Variants in CCDC141 observed in about 807,000 individuals in gnomAD.
CCDC141 encodes the protein coiled-coil domain-containing protein 141.
CCDC141 carries 168 observed loss-of-function variants against 181.0 expected under a neutral mutation model. The ratio of observed to expected loss-of-function variants is 0.93; its 90% confidence interval spans 0.82 to 1.05. The LOEUF (loss-of-function observed/expected upper bound fraction) is 1.05, where lower values mean the gene tolerates loss of function less well. Among genes scored for constraint, CCDC141 ranks in the 50% least tolerant of loss-of-function variants. CCDC141 has a pLI of 0.00. For synonymous variants in CCDC141, 666 were observed against 642.3 expected (o/e 1.04, Z -0.56); for missense variants, 1,902 against 1,788.5 (o/e 1.06, Z -1.14).
intron 3 of CCDC141, 25 bp downstream of exon 3, chr2:178,978,459 G>A (rs941879299): frequency 3.7e-6 from 5 of 1,369,020 alleles, no homozygotes; most frequent in Admixed American, 3.3e-5. Flanking sequence ...ATGTGGGGAA[G>A]GGAGAAGTTT....
At chr2:178,907,578 G>T (rs112071927) in intron 7 of CCDC141, among the ~76,000 whole-genome samples, 2 of 152,164 alleles carry the variant, frequency 1.3e-5, no homozygotes. Flanking sequence ...TTATACTATA[G>T]GACTGTAAAA....
intron 8 of CCDC141, among the ~76,000 whole-genome samples, chr2:178,904,686 G>C (rs567092731): frequency 1.3e-5 from 2 of 152,054 alleles, no homozygotes; most frequent in African/African-American, 2.4e-5. Context: ...TTGTCTTTCT[G>C]TTCTTTCCTA....
At chr2:178,988,849 A>G (rs991339361) in intron 2 of CCDC141, among the ~76,000 whole-genome samples, 8 of 152,304 alleles carry the variant, frequency 5.3e-5, no homozygotes, top group African/African-American at 1.7e-4. Context: ...AAATGTACCT[A>G]TATGTCTATG....
chr2:178,824,682 A>ACTGTGCT, the CCDC141 span, among the ~76,000 whole-genome samples: 5 of 150,410 alleles, frequency 3.3e-5, no homozygotes, highest in African/African-American at 1.2e-4. Context: ...TGTACCTTAG[A>ACTGTGCT]CTGTGCTCCT....
At chr2:179,049,766 G>T in intron 1 of CCDC141, 74 bp downstream of exon 1, 1 of 1,489,870 alleles carries the variant, frequency 6.7e-7, no homozygotes, top group Admixed American at 2.0e-5. Context: ...CGATTGCATG[G>T]AATGTTCTTT....
chr2:178,826,176 A>G (rs1204472444), downstream of CCDC141, among the ~76,000 whole-genome samples: 1 of 152,152 alleles, frequency 6.6e-6, no homozygotes, highest in East Asian at 1.9e-4. Context: ...TTTCTGCATC[A>G]ATTGACATAA....
Position 178,888,577 on chromosome 2 carries a change from C to T in CCDC141, c.1357G>A (p.Ala453Thr), listed in dbSNP as rs1184251695. ...TEQCSAHKEY[A>T]LKKQQLTASV... ...GCTGTTAGTTGTTGTTTCTTAAGAG[C>T]ATATTCCTTGTGCGCTGAACACTGT... The change falls in exon 9 of 24, where the codon GCT becomes ACT. Residue 453 changes from alanine (A) to threonine (T), a missense_variant. Physicochemically the swap from Ala to Thr is moderately conservative, Grantham distance 58 (BLOSUM62 0). Transcript: ENST00000443758. 1.3e-6 allele frequency: 2 copies of T among 1,550,420 alleles called. No homozygotes were observed. Among genetic ancestry groups the T allele is most frequent in the African/African-American group, 2.7e-5 (2 of 73,018 alleles).
At chr2:178,889,393 A>G (rs1438595565) in intron 8 of CCDC141, among the ~76,000 whole-genome samples, 4 of 152,156 alleles carry the variant, frequency 2.6e-5, no homozygotes, top group Non-Finnish European at 5.9e-5. Context: ...TTGTTGATGG[A>G]ATGAACACTT....
chr2:178,932,614 A>G (rs941133811), intron 6 of CCDC141, among the ~76,000 whole-genome samples: 7 of 152,236 alleles, frequency 4.6e-5, no homozygotes, highest in Non-Finnish European at 1.0e-4. Context: ...ACATACACAC[A>G]TATAGTGTAT....
chr2:178,933,827 G>A (rs1396775920), intron 6 of CCDC141, among the ~76,000 whole-genome samples: 1 of 152,184 alleles, frequency 6.6e-6, no homozygotes, highest in Non-Finnish European at 1.5e-5. Flanking sequence ...GGTAGGTCAT[G>A]AGGAATAGTG....
At chr2:178,836,661 A>T (rs1223078161) in intron 23 of CCDC141, 1 of 424,568 alleles carries the variant, frequency 2.4e-6, no homozygotes. Flanking sequence ...AGTGCTTTGG[A>T]AATTTGTTAA....
chr2:178,944,534 C>G lies in CCDC141; in HGVS notation c.897+1G>C, dbSNP rs1206144999. On this transcript the variant is annotated splice_donor_variant, in intron 6 of 23. Coordinates refer to ENST00000443758, the MANE Select transcript of CCDC141 (RefSeq NM_173648.4). LOFTEE classifies it high-confidence loss of function. ...TTTAGTGTGTCTAATATATCTCTTA[C>G]CTTTGCTTTTATTATCAGTTCCTCT... 1.4e-6 allele frequency: 2 copies of G among 1,422,294 alleles called. No homozygotes were observed. Among genetic ancestry groups the G allele is most frequent in the Non-Finnish European group, 1.9e-6 (2 of 1,048,192 alleles). The allele number at this position is 1,422,294 out of a possible 1,614,324, so 88.1% of individuals were successfully genotyped here.
At chr2:178,877,708 T>G (rs1686410100) in intron 12 of CCDC141, 5 of 528,804 alleles carry the variant, frequency 9.5e-6, no homozygotes, top group Middle Eastern at 4.8e-4. Flanking sequence ...TATTTAATAA[T>G]AACAATGTTG....
chr2:178,936,878 C>T (rs1040623949), intron 6 of CCDC141, among the ~76,000 whole-genome samples: 1 of 151,948 alleles, frequency 6.6e-6, no homozygotes, highest in African/African-American at 2.4e-5. Flanking sequence ...GATTGCCTTT[C>T]TGATTTGTGT....
chr2:178,978,559 T>C lies in CCDC141; in HGVS notation c.342A>G (p.Ala114=). The C allele has an allele frequency of 6.5e-7, 1 of 1,549,670 alleles. No individual in the cohort carries two copies. Among genetic ancestry groups the C allele is most frequent in the Non-Finnish European group, 8.7e-7 (1 of 1,146,570 alleles). The change falls in exon 3 of 24, where the codon GCA becomes GCG. Residue 114 remains alanine, a synonymous_variant. Transcript: ENST00000443758. ...TTCTTTCAAGCATGGACACCAGAGC[T>C]GCCCATGCTTCACCCAGAGTCTCGG... is the stretch of plus-strand genomic sequence containing the variant. ...AMAETLGEAW[A]ALVSMLERRT...
At chr2:178,843,470 T>G (rs2154366427) in intron 22 of CCDC141, among the ~76,000 whole-genome samples, 1 of 152,330 alleles carries the variant, frequency 6.6e-6, no homozygotes, top group South Asian at 2.1e-4. Flanking sequence ...ATATCTTCAG[T>G]GCTCACATTG....
At chr2:178,972,078 A>G (rs6433745) in intron 4 of CCDC141, among the ~76,000 whole-genome samples, 1 of 151,002 alleles carries the variant, frequency 6.6e-6, no homozygotes, top group African/African-American at 2.4e-5. Flanking sequence ...TATATAATTT[A>G]AAAAAAAACC....
intron 8 of CCDC141, among the ~76,000 whole-genome samples, chr2:178,892,508 T>A (rs929286660): frequency 1.2e-4 from 19 of 152,308 alleles, no homozygotes; most frequent in African/African-American, 3.8e-4. Context: ...GGGCTTTTTC[T>A]ATTCCTTCTT....
At chr2:178,817,142 T>C in the CCDC141 span, among the ~76,000 whole-genome samples, 1 of 152,344 alleles carries the variant, frequency 6.6e-6, no homozygotes, top group East Asian at 1.9e-4. Context: ...AAAAGAGTTT[T>C]AGTTCCTGCC....
Sources: allele counts gnomAD v4.1 joint callset (sites outside exome capture counted in the v4.1 genomes callset), GRCh38; gene constraint gnomAD v4.1.1; transcripts MANE v1.5; gene names NCBI Gene and HGNC (gene_info 2026-07-23, HGNC 2026-07-21).